The following ADAM18 variants were observed in gnomAD, a reference collection of about 807,000 sequenced individuals.
The protein encoded by ADAM18 is disintegrin and metalloproteinase domain-containing protein 18.
Under a neutral mutation model 94.4 loss-of-function variants are expected in ADAM18, and 117 were observed. The observed-to-expected ratio is 1.24, with a 90% CI of 1.07 to 1.45. The LOEUF (loss-of-function observed/expected upper bound fraction) is 1.45, where lower values mean the gene tolerates loss of function less well. ADAM18 is among the 40% of genes most tolerant of loss of function. The pLI, the probability that ADAM18 is intolerant of heterozygous loss-of-function variation, is 0.00. For missense variants in ADAM18, 936 were observed against 880.0 expected, an observed-to-expected ratio of 1.06 and a Z score of -0.81; for synonymous variants, 327 against 291.6, an observed-to-expected ratio of 1.12 and a Z score of -1.24.
intron 11 of ADAM18, among the ~76,000 whole-genome samples, chr8:39,647,234 CA>C (rs72204674): frequency 1.2e-3 from 158 of 130,108 alleles, no homozygotes; most frequent in African/African-American, 2.2e-3. Context: ...AGAAAGTCAG[CA>C]AAAAAAAAAA....
At position 39,650,699 on chromosome 8, in the gene ADAM18, A is replaced by G. The variant is rs138617228; in HGVS notation, c.1230+2172A>G. 4.6e-5 allele frequency among the ~76,000 whole-genome samples: 7 copies of G among 152,356 alleles called. No individual in the cohort carries two copies. The South Asian group carries it at 1.0e-3, about 23-fold the overall frequency. On this transcript the variant is annotated intron_variant, in intron 12 of 19. Coordinates refer to ENST00000265707, the MANE Select transcript of ADAM18 (RefSeq NM_014237.3). Reference sequence around the variant, plus strand: ...CTGGAAAAGTTAATATTGTTAAAATATCTATAGTGGCTAAAGTGATCTACA... The same window carrying G: ...CTGGAAAAGTTAATATTGTTAAAATGTCTATAGTGGCTAAAGTGATCTACA...
intron 12 of ADAM18, among the ~76,000 whole-genome samples, chr8:39,649,938 C>A (rs1820486560): frequency 6.6e-6 from 1 of 152,100 alleles, no homozygotes; most frequent in Non-Finnish European, 1.5e-5. Flanking sequence ...TGAAATACAG[C>A]CTTGCCCATG....
At chr8:39,672,529 T>G (rs1210924718) in intron 14 of ADAM18, among the ~76,000 whole-genome samples, 1 of 152,156 alleles carries the variant, frequency 6.6e-6, no homozygotes, top group Non-Finnish European at 1.5e-5. Context: ...TACTACTCAA[T>G]TTGTTTCATT....
At chr8:39,597,956 A>C (rs148543924) in intron 2 of ADAM18, among the ~76,000 whole-genome samples, 7 of 152,292 alleles carry the variant, frequency 4.6e-5, no homozygotes, top group Non-Finnish European at 1.0e-4. Context: ...TTTTTCATCA[A>C]TTTTGAAGTT....
chr8:39,650,501 A>G (rs1208511259), intron 12 of ADAM18, among the ~76,000 whole-genome samples: 1 of 152,164 alleles, frequency 6.6e-6, no homozygotes, highest in African/African-American at 2.4e-5. Context: ...CTAACAACAA[A>G]CTGTATGAAA....
Position 39,729,054 on chromosome 8 carries a change from T to A in ADAM18, c.2178-844T>A, listed in dbSNP as rs1311352601. On this transcript the variant is annotated intron_variant, in intron 19 of 19. Transcript: ENST00000265707. ...TTTCTGCTTTTTTTAAAAAACATAT[T>A]GGCCATCCTAATGGGTGTGAGGAGA... Among the ~76,000 whole-genome samples the A allele has an allele frequency of 2.0e-5, 3 of 152,198 alleles. No homozygotes were observed. The South Asian group carries it at 6.2e-4, about 32-fold the overall frequency.
intron 3 of ADAM18, among the ~76,000 whole-genome samples, chr8:39,608,041 T>C (rs961088447): frequency 1.3e-5 from 2 of 152,098 alleles, no homozygotes; most frequent in African/African-American, 4.8e-5. Context: ...AATTTGTCTT[T>C]CTCACAGTCA....
chr8:39,666,917 T>TGTG (rs1179223144), intron 13 of ADAM18, among the ~76,000 whole-genome samples: 3 of 151,234 alleles, frequency 2.0e-5, no homozygotes, highest in East Asian at 1.9e-4. Flanking sequence ...GTGTGTGTGT[T>TGTG]TGTGTGCATG....
At position 39,684,419 on chromosome 8, in the gene ADAM18, A is replaced by G. The variant is rs966455001; in HGVS notation, c.1821+4193A>G. ...TGTGACATACAGTCAATCTCTAGGA[A>G]TTACTTTTCTTGGATAACCAAAATG... On this transcript the variant is annotated intron_variant, in intron 16 of 19. Transcript: ENST00000265707. Among the ~76,000 whole-genome samples, 4 of 152,308 alleles carry G rather than the reference A, an allele frequency of 2.6e-5. No homozygotes were observed. In the South Asian group the frequency reaches 8.3e-4, roughly 32 times the overall value.
intron 18 of ADAM18, among the ~76,000 whole-genome samples, chr8:39,720,116 A>G (rs1046964703): frequency 6.6e-6 from 1 of 151,486 alleles, no homozygotes; most frequent in Non-Finnish European, 1.5e-5. Context: ...GTGGAATACT[A>G]TCAAATAATA....
intron 10 of ADAM18, among the ~76,000 whole-genome samples, chr8:39,640,815 AT>A (rs142735088): frequency 1.7e-4 from 25 of 147,812 alleles, no homozygotes; most frequent in Middle Eastern, 3.4e-3. Context: ...TTGGCCACAT[AT>A]TTTTTTTTTA....
At chr8:39,654,858 G>C (rs1337638480) in intron 12 of ADAM18, among the ~76,000 whole-genome samples, 3 of 151,974 alleles carry the variant, frequency 2.0e-5, no homozygotes, top group Non-Finnish European at 2.9e-5. Context: ...AAGTGCAGGG[G>C]ATTTTTGTCC....
At chr8:39,696,849 G>A (rs1563310690) in intron 17 of ADAM18, among the ~76,000 whole-genome samples, 2 of 151,488 alleles carry the variant, frequency 1.3e-5, no homozygotes, top group Non-Finnish European at 3.0e-5. Context: ...GCTACCTGAA[G>A]TGCCTTGGGA....
At chr8:39,671,275 A>G (rs573542913) in intron 14 of ADAM18, among the ~76,000 whole-genome samples, 1 of 152,232 alleles carries the variant, frequency 6.6e-6, no homozygotes, top group Non-Finnish European at 1.5e-5. Flanking sequence ...TTGGGATAGT[A>G]TACTTGTAAG....
intron 16 of ADAM18, among the ~76,000 whole-genome samples, chr8:39,682,645 AC>A (rs1279724798): frequency 6.6e-5 from 10 of 151,780 alleles, no homozygotes; most frequent in Non-Finnish European, 1.2e-4. Context: ...ATCCCCCCCC[AC>A]ACACACTTTG....
intron 18 of ADAM18, among the ~76,000 whole-genome samples, chr8:39,708,312 A>G (rs79439917): frequency 0.02 from 2,979 of 152,332 alleles, 93 homozygotes; most frequent in African/African-American, 0.068. Flanking sequence ...ATAAGTTAGA[A>G]CACAGTACTA....
rs182764762 is a variant in ADAM18, at chr8:39,714,476, G to A, written c.2017+7572G>A. Among the ~76,000 whole-genome samples the A allele has an allele frequency of 2.7e-3, 409 of 152,062 alleles. 3 individuals are homozygous for A. The highest frequency in any genetic ancestry group is 0.01 in the Middle Eastern group (3 of 294). ...AGACAGAGACTGTCAGAGTATATCA[G>A]AAGAAATTTAATAAACAAGACCAAA... On this transcript the variant is annotated intron_variant, in intron 18 of 19. Coordinates refer to ENST00000265707, the MANE Select transcript of ADAM18 (RefSeq NM_014237.3).
chr8:39,661,124 A>C (rs1820821516), intron 12 of ADAM18, among the ~76,000 whole-genome samples: 1 of 151,110 alleles, frequency 6.6e-6, no homozygotes, highest in Non-Finnish European at 1.5e-5. Context: ...AAATAAAAAA[A>C]AAACCAAAAA....
chr8:39,618,178 C>T (rs553699791), intron 6 of ADAM18, among the ~76,000 whole-genome samples: 17 of 152,278 alleles, frequency 1.1e-4, no homozygotes, highest in Middle Eastern at 3.4e-3. Flanking sequence ...TGCAACGAGG[C>T]TCTCTCTTTG....
Sources: allele counts gnomAD v4.1 joint callset (sites outside exome capture counted in the v4.1 genomes callset), GRCh38; gene constraint gnomAD v4.1.1; transcripts MANE v1.5; gene names NCBI Gene and HGNC (gene_info 2026-07-23, HGNC 2026-07-21).